WAPL: variants seen among roughly 807,000 people sequenced by gnomAD.
WAPL encodes the protein wings apart-like protein homolog.
Under a neutral mutation model 121.0 loss-of-function variants are expected in WAPL, and 5 were observed. The observed-to-expected ratio is 0.04, with a 90% CI of 0.02 to 0.09. The LOEUF is 0.09. WAPL is among the 10% of genes least tolerant of loss of function. The pLI is 1.00. For missense variants in WAPL, 999 were observed against 1,410.8 expected (o/e 0.71, Z 4.68); for synonymous variants, 480 against 481.5 (o/e 1.00, Z 0.04).
chr10:86,438,549 G>A (rs992390554), intron 17 of WAPL, among the ~76,000 whole-genome samples: 13 of 152,172 alleles, frequency 8.5e-5, no homozygotes, highest in Admixed American at 5.9e-4. Flanking sequence ...GCAGCATGCC[G>A]ACCTACTTTC....
chr10:86,503,071 C>T (rs981828480), intron 2 of WAPL, among the ~76,000 whole-genome samples: 1 of 151,832 alleles, frequency 6.6e-6, no homozygotes, highest in Admixed American at 6.6e-5. Flanking sequence ...GGCAGGAGAA[C>T]TGCTTGAACC....
In WAPL at chr10:86,500,271, T is replaced by C. The variant is rs771248100; in HGVS notation, c.972A>G (p.Lys324=). 7 of 1,614,224 alleles carry C rather than the reference T, an allele frequency of 4.3e-6. No individual in the cohort carries two copies. Among genetic ancestry groups the C allele is most frequent in the African/African-American group, 1.3e-5 (1 of 75,066 alleles). Residue 324 remains lysine (K), a synonymous_variant, in exon 3 of 19, where the codon AAA becomes AAG. Transcript: ENST00000298767. ...LMDGTSQALA[K]ANSESSKDGL... is the part of the protein sequence containing the mutation. Reference sequence around the variant, plus strand: ...CATCTTTACTCGATTCACTGTTTGCTTTGGCTAAGGCCTGACTGGTGCCGT... The same window carrying C: ...CATCTTTACTCGATTCACTGTTTGCCTTGGCTAAGGCCTGACTGGTGCCGT...
chr10:86,484,362 A>C (rs1841878674), intron 4 of WAPL, among the ~76,000 whole-genome samples: 2 of 152,064 alleles, frequency 1.3e-5, no homozygotes, highest in South Asian at 4.1e-4. Flanking sequence ...GGGTGTGGTG[A>C]TGTCCACCTG....
In WAPL at chr10:86,436,650, T is replaced by C. The variant is rs947150651; in HGVS notation, c.*893A>G. Reference sequence around the variant, plus strand: ...CCACATTGGTGTTTTAGCTTCCTTATATTTATTGTACTGAACATTAGAAAA... The same window carrying C: ...CCACATTGGTGTTTTAGCTTCCTTACATTTATTGTACTGAACATTAGAAAA... On this transcript the variant is annotated 3_prime_UTR_variant, in exon 19 of 19. Transcript: ENST00000298767. 2.0e-5 allele frequency: 3 copies of C among 152,782 alleles called. No individual in the cohort carries two copies. Among genetic ancestry groups the C allele is most frequent in the South Asian group, 2.1e-4 (1 of 4,832 alleles). 9.5% of individuals were successfully genotyped at this position (152,782 alleles called of 1,614,324 possible). A position where few individuals can be genotyped will look rare whatever the true frequency, so the allele number is the denominator to read the frequency against.
Position 86,472,573 on chromosome 10 carries a change from T to C in WAPL, c.1893+39A>G. Reference sequence around the variant, plus strand: ...AATGGCTAAATGTTACATACAAAAATCTATCAACATGCAGTAAACACTGTA... The same window carrying C: ...AATGGCTAAATGTTACATACAAAAACCTATCAACATGCAGTAAACACTGTA... On this transcript the variant is annotated intron_variant, in intron 6 of 18. Transcript: ENST00000298767. The surrounding 1 kb of genome is among the most constrained non-coding windows in gnomAD (Gnocchi z 4.2). 6.3e-7 allele frequency: 1 copy of C among 1,593,906 alleles called. No individual in the cohort carries two copies. Among genetic ancestry groups the C allele is most frequent in the Non-Finnish European group, 8.5e-7 (1 of 1,171,268 alleles).
At chr10:86,495,548 C>T (rs187200315) in intron 4 of WAPL, among the ~76,000 whole-genome samples, 3 of 151,674 alleles carry the variant, frequency 2.0e-5, no homozygotes, top group East Asian at 3.9e-4. Flanking sequence ...ACGATCTAAA[C>T]GTAACGACCT....
chr10:86,461,119 G>T, intron 10 of WAPL, 57 bp downstream of exon 10: 1 of 1,282,098 alleles, frequency 7.8e-7, no homozygotes, highest in Non-Finnish European at 1.1e-6. Context: ...CGTCAATGGA[G>T]TATTTTCTTC....
intron 17 of WAPL, among the ~76,000 whole-genome samples, chr10:86,438,754 T>C (rs190727493): frequency 9.9e-5 from 15 of 152,238 alleles, no homozygotes; most frequent in Admixed American, 7.2e-4. Context: ...ACTAATTATA[T>C]AGGACAGGAA....
intron 2 of WAPL, among the ~76,000 whole-genome samples, chr10:86,505,288 C>T (rs1164847037): frequency 9.3e-6 from 1 of 107,908 alleles, no homozygotes; most frequent in Non-Finnish European, 2.1e-5. Context: ...GCTTCAGCCA[C>T]AGTGCCCAAC....
chr10:86,442,900 G>A (rs954554706), intron 17 of WAPL, among the ~76,000 whole-genome samples: 10 of 151,988 alleles, frequency 6.6e-5, no homozygotes, highest in African/African-American at 1.7e-4. Flanking sequence ...AAAGTTAGCC[G>A]GGGGCGGTGG....
chr10:86,457,344 A>AG (rs1554827149), intron 12 of WAPL, among the ~76,000 whole-genome samples: 103 of 151,090 alleles, frequency 6.8e-4, no homozygotes, highest in African/African-American at 2.3e-3. Flanking sequence ...AAAAAAAAAA[A>AG]AGAGAGTGCT....
At chr10:86,440,329 C>G (rs911702493) in intron 17 of WAPL, among the ~76,000 whole-genome samples, 1 of 151,466 alleles carries the variant, frequency 6.6e-6, no homozygotes, top group African/African-American at 2.4e-5. Flanking sequence ...GCTCTGTTGC[C>G]CAGGCTGGAA....
intron 17 of WAPL, among the ~76,000 whole-genome samples, chr10:86,441,805 C>T (rs142029940): frequency 8.0e-4 from 122 of 152,026 alleles, no homozygotes; most frequent in African/African-American, 2.9e-3. Flanking sequence ...AGTTCGAGAC[C>T]GGCCAGGACA....
At position 86,443,369 on chromosome 10, in the gene WAPL, A is replaced by T. The variant is rs747560921; in HGVS notation, c.3323-6T>A. On this transcript the variant is annotated splice_polypyrimidine_tract_variant and splice_region_variant and intron_variant, in intron 16 of 18. Coordinates refer to ENST00000298767, the MANE Select transcript of WAPL (RefSeq NM_015045.5). ...TTTGCCGGCATGCTGAAGGGCTGAG[A>T]GAATTGAAGTAAAGAATTGTAACAG... is the stretch of plus-strand genomic sequence containing the variant. 6.2e-7 allele frequency: 1 copy of T among 1,613,700 alleles called. No homozygotes were observed. The highest frequency in any genetic ancestry group is 1.1e-5 in the South Asian group (1 of 91,036).
chr10:86,452,291 G>GAAAAAAAAAAAAAAAA (rs11345126), intron 14 of WAPL, among the ~76,000 whole-genome samples, 160 bp from the exon 15 acceptor site: 1 of 147,796 alleles, frequency 6.8e-6, no homozygotes, highest in African/African-American at 2.5e-5. Flanking sequence ...AAGAAAAAAA[G>GAAAAAAAAAAAAAAAA]AAAAAAAAAA....
chr10:86,500,795 TAATA>T (rs771994911), intron 2 of WAPL, 52 bp from the exon 3 acceptor site: 33 of 1,392,314 alleles, frequency 2.4e-5, no homozygotes, highest in Admixed American at 1.0e-4. Context: ...ACATAAAAGT[TAATA>T]AATAACATAT....
chr10:86,439,732 G>A (rs762100949), intron 17 of WAPL, among the ~76,000 whole-genome samples: 11 of 152,214 alleles, frequency 7.2e-5, no homozygotes, highest in Non-Finnish European at 1.0e-4. Context: ...AAGGAGCTAC[G>A]TGATCAGTAA....
intron 2 of WAPL, among the ~76,000 whole-genome samples, chr10:86,507,365 CAAAAA>C (rs34752630): frequency 6.2e-3 from 483 of 77,674 alleles, no homozygotes; most frequent in South Asian, 0.016. Flanking sequence ...GACTCTGTCT[CAAAAA>C]AAAAAAAAAA....
intron 1 of WAPL, among the ~76,000 whole-genome samples, chr10:86,520,689 G>T (rs1000435220): frequency 6.8e-6 from 1 of 147,384 alleles, no homozygotes; most frequent in Non-Finnish European, 1.5e-5. Flanking sequence ...AATGATTGAC[G>T]ACTAAGTCTT....
Sources: allele counts gnomAD v4.1 joint callset (sites outside exome capture counted in the v4.1 genomes callset), GRCh38; gene constraint gnomAD v4.1.1; non-coding constraint Gnocchi (gnomAD v3.1); transcripts MANE v1.5; gene names NCBI Gene and HGNC (gene_info 2026-07-23, HGNC 2026-07-21).